EFCAB13: variants seen among roughly 807,000 people sequenced by gnomAD.
EFCAB13 encodes EF-hand calcium-binding domain-containing protein 13.
EFCAB13 carries 91 observed loss-of-function variants against 110.2 expected under a neutral mutation model. That is an observed-to-expected ratio of 0.83 (90% confidence interval 0.70 to 0.98). The LOEUF (loss-of-function observed/expected upper bound fraction) is 0.98. Ranked by LOEUF, EFCAB13 falls within the 50% of genes least tolerant of loss-of-function variation. EFCAB13 has a pLI of 0.00. For missense variants in EFCAB13, 968 were observed against 1,119.4 expected (o/e 0.86, Z 1.93); for synonymous variants, 323 against 369.9 (o/e 0.87, Z 1.45).
At chr17:47,412,235 G>A (rs565878411) in intron 21 of EFCAB13, among the ~76,000 whole-genome samples, 1 of 152,382 alleles carries the variant, frequency 6.6e-6, no homozygotes, top group South Asian at 2.1e-4. Context: ...TGCCTGTTGA[G>A]AGAGCATAAG....
Position 47,412,763 on chromosome 17 carries a change from A to G in EFCAB13, c.2279-10A>G. The stretch of plus-strand genomic sequence containing the variant: ...ACACCATAATAGCTTGTGTACATTT[A>G]TCTTTGTAGAGATTAAAGAAGCTGC... On this transcript the variant is annotated splice_polypyrimidine_tract_variant and intron_variant, in intron 21 of 24. Coordinates refer to ENST00000331493, the MANE Select transcript of EFCAB13 (RefSeq NM_152347.5). The G allele has an allele frequency of 6.2e-7, 1 of 1,609,336 alleles. No individual in the cohort carries two copies. Among genetic ancestry groups the G allele is most frequent in the South Asian group, 1.1e-5 (1 of 90,426 alleles).
At chr17:47,376,782 G>C (rs1159683771) in intron 12 of EFCAB13, among the ~76,000 whole-genome samples, 1 of 152,086 alleles carries the variant, frequency 6.6e-6, no homozygotes, top group Non-Finnish European at 1.5e-5. Context: ...ATTACATTTA[G>C]TTGTCACTTT....
At chr17:47,353,448 C>T (rs1289237495) in intron 9 of EFCAB13, among the ~76,000 whole-genome samples, 1 of 151,962 alleles carries the variant, frequency 6.6e-6, no homozygotes, top group Non-Finnish European at 1.5e-5. Flanking sequence ...GCATGCACCA[C>T]CATGCCTGGC....
intron 23 of EFCAB13, among the ~76,000 whole-genome samples, chr17:47,420,410 C>G (rs1904615716): frequency 6.6e-6 from 1 of 152,192 alleles, no homozygotes; most frequent in Non-Finnish European, 1.5e-5. Flanking sequence ...GGCCGCCCAT[C>G]ATCTGGGACG....
At chr17:47,339,396 C>T (rs1384210605) in intron 5 of EFCAB13, among the ~76,000 whole-genome samples, 1 of 152,028 alleles carries the variant, frequency 6.6e-6, no homozygotes, top group Non-Finnish European at 1.5e-5. Flanking sequence ...TGAAACTGTT[C>T]CACCTCAGAA....
chr17:47,359,372 G>A (rs1034388618), intron 9 of EFCAB13, among the ~76,000 whole-genome samples: 3 of 151,794 alleles, frequency 2.0e-5, no homozygotes, highest in African/African-American at 4.8e-5. Flanking sequence ...AAGACTAATC[G>A]AATGAACAAA....
chr17:47,390,890 A>G (rs2065702684), intron 14 of EFCAB13, among the ~76,000 whole-genome samples: 1 of 147,030 alleles, frequency 6.8e-6, no homozygotes, highest in Admixed American at 6.8e-5. Flanking sequence ...GTAGAATAAT[A>G]TATATGTGTA....
chr17:47,341,128 A>G (rs893890872), intron 5 of EFCAB13, among the ~76,000 whole-genome samples: 85 of 152,202 alleles, frequency 5.6e-4, no homozygotes, highest in African/African-American at 1.8e-3. Context: ...TGGAAAATCT[A>G]CAGGATGAAT....
At position 47,402,160 on chromosome 17, in the gene EFCAB13, T is replaced by C; in HGVS notation, c.1974T>C (p.Phe658=). 2.5e-6 allele frequency: 4 copies of C among 1,614,002 alleles called. No homozygotes were observed. Among genetic ancestry groups the C allele is most frequent in the Non-Finnish European group, 3.4e-6 (4 of 1,179,944 alleles). The change falls in exon 18 of 25, where the codon TTT becomes TTC. Residue 658 remains phenylalanine (F), a synonymous_variant. Coordinates refer to ENST00000331493, the MANE Select transcript of EFCAB13 (RefSeq NM_152347.5). ...GTGACAAAGTACAATTTGAAGAATT[T>C]GCAAAAGTAGTAAGGAATATGCGTG... The part of the protein sequence containing the change: ...DEGDKVQFEE[F]AKVVRNMRDA...
intron 17 of EFCAB13, among the ~76,000 whole-genome samples, chr17:47,399,365 A>C (rs908688768): frequency 3.3e-5 from 5 of 152,230 alleles, no homozygotes; most frequent in Non-Finnish European, 7.3e-5. Flanking sequence ...CACTTAGTAC[A>C]AAGGTATTTA....
At chr17:47,435,373 TGTC>T (rs2143526378) in intron 24 of EFCAB13, among the ~76,000 whole-genome samples, 1 of 152,126 alleles carries the variant, frequency 6.6e-6, no homozygotes, top group South Asian at 2.1e-4. Flanking sequence ...ATTAAATTGA[TGTC>T]GGCATGGATG....
At chr17:47,357,003 T>A (rs1203895801) in intron 9 of EFCAB13, among the ~76,000 whole-genome samples, 1 of 152,042 alleles carries the variant, frequency 6.6e-6, no homozygotes, top group African/African-American at 2.4e-5. Flanking sequence ...GCCAGGGAAG[T>A]GGGGGAAAGC....
rs368563630 is a variant in EFCAB13 at position 47,377,860 on chromosome 17, A to G, written c.1467A>G (p.Leu489=). ...SILPSTGINL[L]DEEFQKIVTD... is the part of the protein sequence containing the mutation. ...TGCCTTCAACAGGAATTAATTTATTAGATGAAGAATTCCAGAAGATTGTGA... is the reference window on the plus strand; with the variant it reads ...TGCCTTCAACAGGAATTAATTTATTGGATGAAGAATTCCAGAAGATTGTGA... The change falls in exon 13 of 25, where the codon TTA becomes TTG. Residue 489 remains leucine (L), a synonymous_variant. Coordinates refer to ENST00000331493, the MANE Select transcript of EFCAB13 (RefSeq NM_152347.5). 6 of 1,596,074 alleles carry G rather than the reference A, an allele frequency of 3.8e-6. No homozygotes were observed. In the African/African-American group the frequency reaches 8.1e-5, roughly 22 times the overall value.
chr17:47,401,401 TACTGTGTAAGAA>T (rs1819095521), intron 17 of EFCAB13, among the ~76,000 whole-genome samples: 1 of 152,234 alleles, frequency 6.6e-6, no homozygotes, highest in Non-Finnish European at 1.5e-5. Context: ...AGTACTTGTG[TACTGTGTAAGAA>T]ATGGGTGTAA....
intron 9 of EFCAB13, among the ~76,000 whole-genome samples, chr17:47,351,399 G>C (rs1439345165): frequency 6.6e-6 from 1 of 151,826 alleles, no homozygotes; most frequent in Non-Finnish European, 1.5e-5. Context: ...ATTGTGGATT[G>C]TGCTGTGATA....
intron 19 of EFCAB13, 57 bp from the exon 20 acceptor site, chr17:47,404,505 T>C: frequency 1.5e-6 from 2 of 1,324,966 alleles, no homozygotes; most frequent in South Asian, 1.2e-5. Flanking sequence ...GATACTAGCC[T>C]TTAAGTATTA....
Position 47,328,282 on chromosome 17 carries a change from A to T in EFCAB13, c.-72A>T. Reference sequence around the variant, plus strand: ...TTTTTTTGGCAGGAAATCCTTTTGTACTATTGCTCATTCATACTTGTTCAT... The same window carrying T: ...TTTTTTTGGCAGGAAATCCTTTTGTTCTATTGCTCATTCATACTTGTTCAT... On this transcript the variant is annotated 5_prime_UTR_variant, in exon 4 of 25. Coordinates refer to ENST00000331493, the MANE Select transcript of EFCAB13 (RefSeq NM_152347.5). 1 of 1,278,156 alleles carries T rather than the reference A, an allele frequency of 7.8e-7. No individual in the cohort carries two copies. The highest frequency in any genetic ancestry group is 1.1e-6 in the Non-Finnish European group (1 of 877,680). 79.2% of individuals were successfully genotyped at this position (1,278,156 alleles called of 1,614,324 possible). A position where few individuals can be genotyped will look rare whatever the true frequency, so the allele number is the denominator to read the frequency against.
chr17:47,423,789 GCCTCCTGCACCTCAC>G (rs1021531645), intron 23 of EFCAB13, among the ~76,000 whole-genome samples: 3 of 150,850 alleles, frequency 2.0e-5, no homozygotes, highest in African/African-American at 4.9e-5. Flanking sequence ...GCCAGCGGCG[GCCTCCTGCACCTCAC>G]CCTCCTGCAC....
rs901721118 is a variant in EFCAB13 at position 47,431,931 on chromosome 17, T to C, written c.2638+1970T>C. 4.6e-5 allele frequency among the ~76,000 whole-genome samples: 7 copies of C among 152,366 alleles called. No individual in the cohort carries two copies. Among genetic ancestry groups the C allele is most frequent in the Admixed American group, 4.6e-4 (7 of 15,306 alleles). ...TTTAATTCTGTCAGTGTTTGCTGTC[T>C]ATAGTTTTAGCCCATGTTGTTAACA... On this transcript the variant is annotated intron_variant, in intron 24 of 24. Coordinates refer to ENST00000331493, the MANE Select transcript of EFCAB13 (RefSeq NM_152347.5). The surrounding 1 kb of genome is among the most constrained non-coding windows in gnomAD (Gnocchi z 4.1).
Sources: allele counts gnomAD v4.1 joint callset (sites outside exome capture counted in the v4.1 genomes callset), GRCh38; gene constraint gnomAD v4.1.1; non-coding constraint Gnocchi (gnomAD v3.1); transcripts MANE v1.5; gene names NCBI Gene and HGNC (gene_info 2026-07-23, HGNC 2026-07-21).